Variants in MAP4K5 observed in about 807,000 individuals in gnomAD.
MAP4K5 encodes MAPK/ERK kinase kinase kinase 5.
MAP4K5 carries 82 observed loss-of-function variants against 135.6 expected under a neutral mutation model. The ratio of observed to expected loss-of-function variants is 0.60; its 90% CI spans 0.51 to 0.73. MAP4K5 has a LOEUF of 0.73. Among genes scored for constraint, MAP4K5 ranks in the 30% least tolerant of loss-of-function variants. The pLI is 0.00. For synonymous variants in MAP4K5, 347 were observed against 335.0 expected (o/e 1.04, Z -0.39); for missense variants, 907 against 1,010.9 (o/e 0.90, Z 1.39).
At chr14:50,472,938 T>C (rs756998750) in intron 9 of MAP4K5, among the ~76,000 whole-genome samples, 2 of 152,170 alleles carry the variant, frequency 1.3e-5, no homozygotes, top group Non-Finnish European at 2.9e-5. Context: ...CTTATAAATA[T>C]ATTGTGTTTA....
intron 2 of MAP4K5, among the ~76,000 whole-genome samples, chr14:50,509,984 A>G (rs2037897958): frequency 6.6e-6 from 1 of 152,228 alleles, no homozygotes. Context: ...GAAAAATTCA[A>G]GATTATACAT....
intron 28 of MAP4K5, among the ~76,000 whole-genome samples, 193 bp from the exon 29 acceptor site, chr14:50,429,453 C>G (rs2035922727): frequency 6.6e-6 from 1 of 152,098 alleles, no homozygotes; most frequent in Non-Finnish European, 1.5e-5. Context: ...CTAAGCATGG[C>G]TAACTCAGCT....
chr14:50,494,446 G>T (rs1052094479), intron 3 of MAP4K5, among the ~76,000 whole-genome samples: 1 of 152,116 alleles, frequency 6.6e-6, no homozygotes, highest in South Asian at 2.1e-4. Context: ...GATTACAAGC[G>T]TGAGCCACCG....
intron 23 of MAP4K5, among the ~76,000 whole-genome samples, chr14:50,439,156 T>C (rs1352744524): frequency 6.6e-6 from 1 of 151,830 alleles, no homozygotes; most frequent in African/African-American, 2.4e-5. Flanking sequence ...TCAAATAATA[T>C]GCTCTCCATA....
At chr14:50,548,732 G>A (rs535176854) in intron 1 of MAP4K5, among the ~76,000 whole-genome samples, 3 of 152,052 alleles carry the variant, frequency 2.0e-5, no homozygotes, top group East Asian at 3.9e-4. Flanking sequence ...GGATGGTCTC[G>A]ATCTCCTGAC....
At chr14:50,490,423 T>C (rs530000739) in intron 3 of MAP4K5, among the ~76,000 whole-genome samples, 1 of 152,328 alleles carries the variant, frequency 6.6e-6, no homozygotes, top group African/African-American at 2.4e-5. Flanking sequence ...TGGGGGTTTG[T>C]GTTTTAAAGT....
intron 5 of MAP4K5, among the ~76,000 whole-genome samples, chr14:50,483,932 T>A (rs1297072923): frequency 1.3e-5 from 2 of 151,782 alleles, no homozygotes; most frequent in Admixed American, 1.3e-4. Context: ...GTGATCTTGG[T>A]TCACTGCAAC....
intron 3 of MAP4K5, among the ~76,000 whole-genome samples, chr14:50,486,650 G>A (rs1013661931): frequency 6.6e-6 from 1 of 151,994 alleles, no homozygotes; most frequent in Non-Finnish European, 1.5e-5. Flanking sequence ...GCTACATTAG[G>A]CCAGGCAGGG....
intron 2 of MAP4K5, among the ~76,000 whole-genome samples, chr14:50,540,203 A>G (rs1466233843): frequency 6.6e-6 from 1 of 152,224 alleles, no homozygotes; most frequent in African/African-American, 2.4e-5. Flanking sequence ...AAGTGAAATC[A>G]GGATGTTTTG....
chr14:50,447,547 C>G, intron 15 of MAP4K5, 66 bp from the exon 16 acceptor site: 1 of 855,954 alleles, frequency 1.2e-6, no homozygotes. Context: ...TTATTTGATT[C>G]AAGAAAACAT....
chr14:50,428,318 T>C (rs1267553047), intron 30 of MAP4K5, among the ~76,000 whole-genome samples: 1 of 152,146 alleles, frequency 6.6e-6, no homozygotes, highest in South Asian at 2.1e-4. Flanking sequence ...TGCAATGGCA[T>C]GATCTCAGCT....
chr14:50,425,181 T>C (rs1384085554), intron 31 of MAP4K5, among the ~76,000 whole-genome samples: 4 of 152,192 alleles, frequency 2.6e-5, no homozygotes, highest in Middle Eastern at 3.2e-3. Flanking sequence ...TCTTAGCTAG[T>C]AGGACTCATT....
Position 50,476,316 on chromosome 14 carries a change from TAAAAA to T in MAP4K5, c.379-15_379-11del. On this transcript the variant is annotated splice_polypyrimidine_tract_variant and intron_variant, in intron 6 of 32. Coordinates refer to ENST00000682126, the MANE Select transcript of MAP4K5 (RefSeq NM_006575.6). ...GCAAATAGGCAAGACCCTAAAAGTTTAAAAAAAAAAAAAAAGAATGTATCAGCAAA... is the reference window on the plus strand; with the variant it reads ...GCAAATAGGCAAGACCCTAAAAGTTTAAAAAAAAAAGAATGTATCAGCAAA... 1 of 1,120,930 alleles carries T rather than the reference TAAAAA, an allele frequency of 8.9e-7. No homozygotes were observed. Among genetic ancestry groups the T allele is most frequent in the East Asian group, 3.2e-5 (1 of 31,414 alleles). The allele number at this position is 1,120,930 out of a possible 1,614,324, so 69.4% of individuals were successfully genotyped here.
chr14:50,445,187 A>G lies in MAP4K5; in HGVS notation c.1193T>C (p.Ile398Thr), dbSNP rs750128868. 1 of 1,613,074 alleles carries G rather than the reference A, an allele frequency of 6.2e-7. No individual in the cohort carries two copies. The highest frequency in any genetic ancestry group is 8.5e-7 in the Non-Finnish European group (1 of 1,179,418). Residue 398 changes from isoleucine to threonine, a missense_variant, in exon 18 of 33, where the codon ATA becomes ACA. Ile to Thr is a moderately conservative substitution (Grantham distance 89). This residue lies in a region of MAP4K5 where 690 missense variants were observed against 777.4 expected (regional missense o/e 0.89). Transcript: ENST00000682126. Reference protein sequence around the residue: ...IPPPLPPKPRISSYPEDNFPD... With the variant: ...IPPPLPPKPRTSSYPEDNFPD... ...AAAGTTGTCTTCAGGGTAACTGCTTATCCTTGGCTAGTGGTACAAAGACAA... is the reference window on the plus strand; with the variant it reads ...AAAGTTGTCTTCAGGGTAACTGCTTGTCCTTGGCTAGTGGTACAAAGACAA...
intron 9 of MAP4K5, among the ~76,000 whole-genome samples, chr14:50,470,489 CATTTAACTTTT>C (rs1264482122): frequency 6.6e-6 from 1 of 152,094 alleles, no homozygotes; most frequent in African/African-American, 2.4e-5. Flanking sequence ...CCTATATCTT[CATTTAACTTTT>C]ATTTAACTGA....
At chr14:50,481,868 C>G (rs1285200240) in intron 6 of MAP4K5, among the ~76,000 whole-genome samples, 1 of 152,184 alleles carries the variant, frequency 6.6e-6, no homozygotes, top group Non-Finnish European at 1.5e-5. Context: ...CTAGGGTTTT[C>G]AGATAACACC....
chr14:50,546,936 C>T (rs1483551715), intron 1 of MAP4K5, among the ~76,000 whole-genome samples: 2 of 152,066 alleles, frequency 1.3e-5, no homozygotes, highest in African/African-American at 4.8e-5. Context: ...TTGCTGCACC[C>T]ATATACCCGT....
chr14:50,509,777 T>C (rs1355293381), intron 2 of MAP4K5, among the ~76,000 whole-genome samples: 1 of 152,012 alleles, frequency 6.6e-6, no homozygotes, highest in Non-Finnish European at 1.5e-5. Context: ...GTACCCTGGT[T>C]TTCCCTCTTT....
chr14:50,444,986 A>T, intron 18 of MAP4K5, 55 bp downstream of exon 18: 2 of 1,528,390 alleles, frequency 1.3e-6, no homozygotes, highest in Non-Finnish European at 1.8e-6. Context: ...TTATTCACCC[A>T]GATAACAATA....
Sources: allele counts gnomAD v4.1 joint callset (sites outside exome capture counted in the v4.1 genomes callset), GRCh38; gene constraint gnomAD v4.1.1; regional missense constraint gnomAD v4.1.1; transcripts MANE v1.5; gene names NCBI Gene and HGNC (gene_info 2026-07-23, HGNC 2026-07-21).